AGBL1: variants seen among roughly 807,000 people sequenced by gnomAD.
AGBL1 encodes AGBL carboxypeptidase 1, also known as cytosolic carboxypeptidase 4.
A neutral mutation model predicts 118.9 loss-of-function variants in AGBL1; 130 were observed. The observed-to-expected ratio is 1.09, with a 90% CI of 0.95 to 1.26. The LOEUF is 1.26. AGBL1 is among the 50% of genes most tolerant of loss of function. The pLI is 0.00. For missense variants in AGBL1, 1,584 were observed against 1,298.1 expected (o/e 1.22, Z -3.38); for synonymous variants, 555 against 478.9 (o/e 1.16, Z -2.08).
At chr15:86,787,945 T>C (rs2078437894) in intron 22 of AGBL1, among the ~76,000 whole-genome samples, 1 of 152,228 alleles carries the variant, frequency 6.6e-6, no homozygotes, top group Admixed American at 6.5e-5. Context: ...TGCTATTTAA[T>C]TGCATTGAAA....
chr15:86,652,780 T>G (rs1026538482), intron 21 of AGBL1, among the ~76,000 whole-genome samples: 10 of 152,180 alleles, frequency 6.6e-5, no homozygotes, highest in Non-Finnish European at 1.0e-4. Flanking sequence ...TACACACACT[T>G]CAGTGTGTGT....
At position 86,575,595 on chromosome 15, in the gene AGBL1, A is replaced by T. The variant is rs147068284; in HGVS notation, c.2994+21058A>T. Among the ~76,000 whole-genome samples the T allele has an allele frequency of 5.6e-3, 860 of 152,256 alleles. 7 individuals carry two copies. Among genetic ancestry groups the T allele is most frequent in the African/African-American group, 0.02 (820 of 41,528 alleles). ...TTTTAAAATTCATGAACTTAAAAAA[A>T]AATTATTTTTAGAGACAAGATCTCT... is the stretch of plus-strand genomic sequence containing the variant. On this transcript the variant is annotated intron_variant, in intron 21 of 22. Transcript: ENST00000614907.
intron 21 of AGBL1, among the ~76,000 whole-genome samples, chr15:86,628,412 G>T (rs1308489648): frequency 1.3e-5 from 2 of 152,084 alleles, no homozygotes; most frequent in Non-Finnish European, 2.9e-5. Flanking sequence ...GCAAGATGAG[G>T]GTCTTACCTA....
At chr15:86,184,037 G>A (rs141557926) in intron 5 of AGBL1, among the ~76,000 whole-genome samples, 1 of 152,168 alleles carries the variant, frequency 6.6e-6, no homozygotes, top group Non-Finnish European at 1.5e-5. Flanking sequence ...CCACAAGCTG[G>A]TGTACACATT....
chr15:86,828,211 G>A lies in AGBL1; in HGVS notation c.3159-78876G>A, dbSNP rs192594513. On this transcript the variant is annotated intron_variant, in intron 22 of 22. Coordinates refer to ENST00000614907, the MANE Select transcript of AGBL1 (RefSeq NM_001386094.1). ...TCCTGCCTCGGCTTCCCAAAGTTCT[G>A]AGATTACAGCCATGAGCCACTGTGC... Among the ~76,000 whole-genome samples, 49 of 151,850 alleles carry A rather than the reference G, an allele frequency of 3.2e-4. No homozygotes were observed. In the East Asian group the frequency reaches 8.8e-3, roughly 27 times the overall value.
chr15:86,611,903 T>C (rs752228679), intron 21 of AGBL1, among the ~76,000 whole-genome samples: 55 of 152,204 alleles, frequency 3.6e-4, no homozygotes, highest in Non-Finnish European at 7.3e-4. Context: ...TTACCCTGCA[T>C]GCACAAGTGG....
chr15:86,878,337 C>A (rs2079843111), intron 22 of AGBL1, among the ~76,000 whole-genome samples: 1 of 152,324 alleles, frequency 6.6e-6, no homozygotes, highest in South Asian at 2.1e-4. Flanking sequence ...ACAGACAATA[C>A]AATGGGCATG....
chr15:86,146,926 C>T (rs183896073), intron 3 of AGBL1, among the ~76,000 whole-genome samples: 18 of 152,184 alleles, frequency 1.2e-4, no homozygotes, highest in Non-Finnish European at 1.6e-4. Flanking sequence ...TTTCTACCTC[C>T]GATAAATCTG....
Position 86,154,425 on chromosome 15 carries a change from C to A in AGBL1, c.263-5C>A. ...CAACTAAGATAGATTGATTTGTGTT[C>A]TTAGATAAAAAGATTGGACGGAAGG... On this transcript the variant is annotated splice_region_variant and splice_polypyrimidine_tract_variant and intron_variant, in intron 3 of 22. Transcript: ENST00000614907. 1 of 1,610,972 alleles carries A rather than the reference C, an allele frequency of 6.2e-7. No homozygotes were observed.
intron 21 of AGBL1, among the ~76,000 whole-genome samples, chr15:86,602,887 G>C (rs2346735): frequency 0.46 from 69,458 of 151,972 alleles, 15,931 homozygotes; most frequent in Middle Eastern, 0.52. Flanking sequence ...GCTAGGATCT[G>C]TGTTCCTCCA....
intron 21 of AGBL1, among the ~76,000 whole-genome samples, chr15:86,653,465 A>G (rs1419556125): frequency 6.6e-6 from 1 of 152,164 alleles, no homozygotes; most frequent in Non-Finnish European, 1.5e-5. Context: ...CAATAATCCA[A>G]TAAAACCTTC....
chr15:86,564,292 T>C (rs774266234), intron 21 of AGBL1, among the ~76,000 whole-genome samples: 116 of 152,334 alleles, frequency 7.6e-4, no homozygotes, highest in Middle Eastern at 3.4e-3. Context: ...CCATGTTTAG[T>C]GCTTCCTTCA....
intron 22 of AGBL1, among the ~76,000 whole-genome samples, chr15:86,813,831 A>G (rs2078824410): frequency 6.6e-6 from 1 of 152,218 alleles, no homozygotes; most frequent in Admixed American, 6.5e-5. Context: ...CTTACTAGAG[A>G]TATGAACATC....
chr15:86,835,991 C>G (rs922496167), intron 22 of AGBL1, among the ~76,000 whole-genome samples: 1 of 152,174 alleles, frequency 6.6e-6, no homozygotes, highest in African/African-American at 2.4e-5. Context: ...ATCAAGTCTG[C>G]TATTGAACAA....
At chr15:86,236,952 C>CGGGGGGGGGG (rs1398987301) in intron 6 of AGBL1, among the ~76,000 whole-genome samples, 1 of 10,316 alleles carries the variant, frequency 9.7e-5, no homozygotes, top group African/African-American at 4.8e-4. Flanking sequence ...CGGGGGGGGG[C>CGGGGGGGGGG]GGGGGGGCGC....
chr15:86,195,558 C>A (rs1002434556), intron 5 of AGBL1, among the ~76,000 whole-genome samples: 2 of 152,142 alleles, frequency 1.3e-5, no homozygotes, highest in Non-Finnish European at 1.5e-5. Flanking sequence ...TCTATTACAG[C>A]TTCTTAAAAG....
chr15:86,856,085 A>T (rs2079475559), intron 22 of AGBL1, among the ~76,000 whole-genome samples: 2 of 152,338 alleles, frequency 1.3e-5, no homozygotes, highest in East Asian at 1.9e-4. Flanking sequence ...ATCAGTGTGG[A>T]TGGGCTCTGA....
intron 22 of AGBL1, among the ~76,000 whole-genome samples, chr15:86,881,135 A>C (rs2079885751): frequency 6.6e-6 from 1 of 152,230 alleles, no homozygotes; most frequent in African/African-American, 2.4e-5. Context: ...TCCATTTTGC[A>C]ACATGGGGAG....
chr15:86,142,136 G>T (rs913292797), intron 2 of AGBL1, 69 bp downstream of exon 2: 10 of 1,475,558 alleles, frequency 6.8e-6, no homozygotes, highest in Non-Finnish European at 9.2e-6. Context: ...TCTCTCCCAG[G>T]CACCTCTGTG....
Sources: gnomAD v4.1 joint callset for allele counts (sites outside exome capture counted in the v4.1 genomes callset) on GRCh38, gnomAD v4.1.1 for gene constraint, MANE v1.5 for transcripts, NCBI Gene and HGNC (gene_info 2026-07-23, HGNC 2026-07-21) for gene names.